The following DNAH8 variants were observed in gnomAD, a reference collection of about 807,000 sequenced individuals.
DNAH8 encodes the protein dynein axonemal heavy chain 8, also known as axonemal beta dynein heavy chain 8.
DNAH8 carries 382 observed loss-of-function variants against 562.1 expected under a neutral mutation model. That is an observed-to-expected ratio of 0.68 (90% CI 0.63 to 0.74). The LOEUF is 0.74. Among genes scored for constraint, DNAH8 ranks in the 30% least tolerant of loss-of-function variants. The pLI is 0.00. For synonymous variants in DNAH8, 1,881 were observed against 1,919.4 expected, an observed-to-expected ratio of 0.98 and a Z score of 0.52; for missense variants, 5,203 against 5,620.4, an observed-to-expected ratio of 0.93 and a Z score of 2.37.
intron 55 of DNAH8, 116 bp from the exon 56 acceptor site, chr6:38,883,760 T>G (rs1778693864): frequency 2.5e-6 from 2 of 807,716 alleles, no homozygotes; most frequent in Non-Finnish European, 3.5e-6. Context: ...AATAATTATA[T>G]GTATACTTAT....
At chr6:38,846,934 A>G (rs745877845) in intron 36 of DNAH8, among the ~76,000 whole-genome samples, 21 of 152,236 alleles carry the variant, frequency 1.4e-4, no homozygotes, top group Admixed American at 6.5e-5. Context: ...GTATAAGGAT[A>G]GCTAAGAAGT....
At chr6:38,842,013 C>T (rs1049878991) in intron 33 of DNAH8, among the ~76,000 whole-genome samples, 4 of 152,174 alleles carry the variant, frequency 2.6e-5, no homozygotes. Flanking sequence ...CAAATGAAAC[C>T]TTAGCCGCAG....
intron 21 of DNAH8, among the ~76,000 whole-genome samples, chr6:38,802,251 G>T (rs1738232): frequency 8.6e-5 from 13 of 151,072 alleles, no homozygotes; most frequent in East Asian, 7.8e-4. Flanking sequence ...TTACTTTTAC[G>T]TTTTTTTTTT....
At chr6:38,866,353 T>C (rs1458525031) in intron 45 of DNAH8, among the ~76,000 whole-genome samples, 2 of 152,166 alleles carry the variant, frequency 1.3e-5, no homozygotes, top group Non-Finnish European at 2.9e-5. Context: ...GTAGACAATT[T>C]TGCCACACAA....
intron 48 of DNAH8, among the ~76,000 whole-genome samples, chr6:38,869,869 G>C (rs985415382): frequency 5.3e-5 from 8 of 152,120 alleles, no homozygotes; most frequent in Non-Finnish European, 7.4e-5. Flanking sequence ...AACGAACTTT[G>C]GGTACAATAT....
intron 9 of DNAH8, among the ~76,000 whole-genome samples, chr6:38,753,193 A>G (rs1240925931): frequency 1.8e-4 from 28 of 152,110 alleles, no homozygotes; most frequent in Admixed American, 1.7e-3. Context: ...TTTGTTTAAT[A>G]TAAGAACATT....
In DNAH8 at chr6:39,008,182, C is replaced by G. The variant is rs537992563; in HGVS notation, c.13215-632C>G. Among the ~76,000 whole-genome samples the G allele has an allele frequency of 6.6e-5, 10 of 152,096 alleles. No homozygotes were observed. In the South Asian group the frequency reaches 1.0e-3, roughly 16 times the overall value. On this transcript the variant is annotated intron_variant, in intron 88 of 92. Coordinates refer to ENST00000327475, the MANE Select transcript of DNAH8 (RefSeq NM_001206927.2). The stretch of plus-strand genomic sequence containing the variant: ...CCTCCACTAGAGAACAGAACTATGT[C>G]CTATTCCCTGCCATATTCTAGAACT...
rs1554226482 is a variant in DNAH8 at position 38,842,877 on chromosome 6, C to T, written c.4819C>T (p.Leu1607Phe). The change falls in exon 35 of 93, where the codon CTC becomes TTC. Residue 1607 changes from leucine to phenylalanine, a missense_variant. Coordinates refer to ENST00000327475, the MANE Select transcript of DNAH8 (RefSeq NM_001206927.2). ...CCTTAGAAATATCATGGAAGCACCA[C>T]TCCTTAAACATAAGGATGATATTGA... is the stretch of plus-strand genomic sequence containing the variant. ...FCLRNIMEAP[L>F]LKHKDDIEDI... 1 of 1,613,374 alleles carries T rather than the reference C, an allele frequency of 6.2e-7. No individual in the cohort carries two copies. The highest frequency in any genetic ancestry group is 8.5e-7 in the Non-Finnish European group (1 of 1,179,558).
intron 35 of DNAH8, 93 bp from the exon 36 acceptor site, chr6:38,845,481 C>A: frequency 1.1e-6 from 1 of 893,018 alleles, no homozygotes. Flanking sequence ...ACTTACAGGT[C>A]CCTTTCAAGC....
chr6:38,937,797 G>A (rs1040830308), intron 77 of DNAH8, among the ~76,000 whole-genome samples, 177 bp from the exon 78 acceptor site: 5 of 152,126 alleles, frequency 3.3e-5, no homozygotes, highest in African/African-American at 1.2e-4. Flanking sequence ...CAGGTATTGG[G>A]TGGTAGTTGG....
At chr6:38,939,081 G>A in intron 79 of DNAH8, 93 bp downstream of exon 79, 2 of 950,862 alleles carry the variant, frequency 2.1e-6, no homozygotes, top group Non-Finnish European at 3.1e-6. Context: ...TGATACAGTA[G>A]GGAAATGATG....
chr6:38,960,172 A>G (rs1762516044), intron 82 of DNAH8, among the ~76,000 whole-genome samples: 1 of 152,082 alleles, frequency 6.6e-6, no homozygotes, highest in South Asian at 2.1e-4. Context: ...CTATGAGAAA[A>G]CACTGAAGGA....
rs142765798 is a variant in DNAH8 at position 38,751,584 on chromosome 6, A to G, written c.1407+995A>G. Reference sequence around the variant, plus strand: ...TCAGCTAATCAGGGATGCAGGACAGAACCCATCTTCTAATTTCTAGCCTAC... The same window carrying G: ...TCAGCTAATCAGGGATGCAGGACAGGACCCATCTTCTAATTTCTAGCCTAC... On this transcript the variant is annotated intron_variant, in intron 9 of 92. Coordinates refer to ENST00000327475, the MANE Select transcript of DNAH8 (RefSeq NM_001206927.2). 4.7e-4 allele frequency among the ~76,000 whole-genome samples: 71 copies of G among 152,328 alleles called. No homozygotes were observed. The East Asian group carries it at 0.011, about 23-fold the overall frequency.
At chr6:38,878,642 A>G (rs933947253) in intron 53 of DNAH8, among the ~76,000 whole-genome samples, 3 of 152,216 alleles carry the variant, frequency 2.0e-5, no homozygotes, top group Admixed American at 2.0e-4. Context: ...GAACATCACT[A>G]CAGTCCTCAC....
At chr6:38,984,791 AAAAAAC>A (rs913943595) in intron 87 of DNAH8, among the ~76,000 whole-genome samples, 30 of 152,230 alleles carry the variant, frequency 2.0e-4, no homozygotes, top group African/African-American at 6.5e-4. Flanking sequence ...CTCTGTCTCA[AAAAAAC>A]AAAAACAAAA....
At chr6:38,861,354 T>C (rs1217056657) in intron 43 of DNAH8, among the ~76,000 whole-genome samples, 1 of 152,252 alleles carries the variant, frequency 6.6e-6, no homozygotes, top group African/African-American at 2.4e-5. Context: ...TTAAGCATCG[T>C]GTCTCATGAA....
In DNAH8 at chr6:38,897,637, G is replaced by A. The variant is rs1469318846; in HGVS notation, c.8941-621G>A. Among the ~76,000 whole-genome samples, 6 of 152,144 alleles carry A rather than the reference G, an allele frequency of 3.9e-5. No homozygotes were observed. The East Asian group carries it at 1.2e-3, about 29-fold the overall frequency. On this transcript the variant is annotated intron_variant, in intron 60 of 92. Transcript: ENST00000327475. ...AGTAATTCTAAAGTTATATAGAGCC[G>A]GGCGAGGTGGTTTATGCCTGTAATA...
chr6:38,900,115 T>C (rs1223100037), intron 62 of DNAH8, among the ~76,000 whole-genome samples: 1 of 149,858 alleles, frequency 6.7e-6, no homozygotes, highest in Non-Finnish European at 1.5e-5. Flanking sequence ...ACTTCTTGTA[T>C]CCCAGAAGTG....
intron 37 of DNAH8, 84 bp from the exon 38 acceptor site, chr6:38,850,167 A>G: frequency 7.6e-7 from 1 of 1,320,556 alleles, no homozygotes; most frequent in South Asian, 1.4e-5. Context: ...GGTTTGAAGA[A>G]CTATAGAAAA....
Sources: allele counts gnomAD v4.1 joint callset (sites outside exome capture counted in the v4.1 genomes callset), GRCh38; gene constraint gnomAD v4.1.1; transcripts MANE v1.5; gene names NCBI Gene and HGNC (gene_info 2026-07-23, HGNC 2026-07-21).